FRMD4A: variants seen among roughly 807,000 people sequenced by gnomAD.
FRMD4A encodes FERM domain containing 4A.
A neutral mutation model predicts 129.1 loss-of-function variants in FRMD4A; 29 were observed. That is an observed-to-expected ratio of 0.22 (90% CI 0.17 to 0.31). FRMD4A has a LOEUF of 0.31. Ranked by LOEUF, FRMD4A falls within the 10% of genes least tolerant of loss-of-function variation. The probability of loss-of-function intolerance (pLI) is 1.00; values close to 1 mark genes in which losing one functional copy is unlikely to be tolerated. For synonymous variants in FRMD4A, 634 were observed against 571.6 expected, an observed-to-expected ratio of 1.11 and a Z score of -1.56; for missense variants, 1,272 against 1,375.8, an observed-to-expected ratio of 0.92 and a Z score of 1.19.
intron 3 of FRMD4A, among the ~76,000 whole-genome samples, chr10:13,827,602 A>G (rs1383692867): frequency 6.6e-6 from 1 of 152,232 alleles, no homozygotes; most frequent in African/African-American, 2.4e-5. Context: ...AAAGCGAAAC[A>G]GCCTCCTGCA....
chr10:13,927,144 C>G (rs140526321), intron 2 of FRMD4A, among the ~76,000 whole-genome samples: 22 of 152,168 alleles, frequency 1.4e-4, no homozygotes, highest in African/African-American at 5.3e-4. Context: ...GTAATCCCAG[C>G]TACTGGGGAG....
intron 2 of FRMD4A, among the ~76,000 whole-genome samples, chr10:13,909,581 G>C (rs74121780): frequency 0.041 from 6,295 of 152,216 alleles, 436 homozygotes; most frequent in African/African-American, 0.14. Flanking sequence ...GTTCTTAGGT[G>C]CTTATTTAAA....
chr10:13,728,573 C>CTTTTTTTT (rs10706168), intron 12 of FRMD4A, among the ~76,000 whole-genome samples: 22,485 of 76,840 alleles, frequency 0.29, 6,167 homozygotes, highest in Non-Finnish European at 0.39. Context: ...GATTACCATT[C>CTTTTTTTT]TTTTTTTTTT....
At chr10:14,282,978 T>A (rs1321452028) in intron 2 of FRMD4A, among the ~76,000 whole-genome samples, 1 of 152,214 alleles carries the variant, frequency 6.6e-6, no homozygotes, top group Non-Finnish European at 1.5e-5. Flanking sequence ...GCCATATTAT[T>A]AAAGTGCATC....
At chr10:13,688,710 T>TA (rs1564615133) in intron 15 of FRMD4A, among the ~76,000 whole-genome samples, 1 of 149,774 alleles carries the variant, frequency 6.7e-6, no homozygotes, top group Non-Finnish European at 1.5e-5. Flanking sequence ...TTGACTTCTT[T>TA]TTTATTTATT....
chr10:13,684,312 G>A, intron 15 of FRMD4A: 1 of 984,676 alleles, frequency 1.0e-6, no homozygotes, highest in Non-Finnish European at 1.2e-6. Context: ...GAGAGATGGA[G>A]TTACTCACGC....
rs557048870 is a variant in FRMD4A at position 14,113,565 on chromosome 10, C to T, written c.45+216493G>A. 8.5e-5 allele frequency among the ~76,000 whole-genome samples: 13 copies of T among 152,232 alleles called. No homozygotes were observed. In the South Asian group the frequency reaches 2.7e-3, roughly 32 times the overall value. ...CTATTAGTAGTTAAATTCTGGGGGA[C>T]TCAGAAGTTATACCTAGATTTCTGA... On this transcript the variant is annotated intron_variant, in intron 2 of 24. Transcript: ENST00000357447.
chr10:14,239,351 G>C (rs185324614), intron 2 of FRMD4A, among the ~76,000 whole-genome samples: 33 of 152,338 alleles, frequency 2.2e-4, no homozygotes, highest in Middle Eastern at 3.4e-3. Context: ...AAGCTGGCCG[G>C]ACGCGGTGGC....
chr10:13,996,743 G>C (rs1337589027), intron 2 of FRMD4A, among the ~76,000 whole-genome samples: 1 of 152,130 alleles, frequency 6.6e-6, no homozygotes, highest in Non-Finnish European at 1.5e-5. Flanking sequence ...ATAATAGCAG[G>C]ATTTTCTTCT....
intron 6 of FRMD4A, among the ~76,000 whole-genome samples, chr10:13,767,066 C>T (rs1264443596): frequency 6.6e-6 from 1 of 152,008 alleles, no homozygotes; most frequent in Non-Finnish European, 1.5e-5. Context: ...AGTGAGACTC[C>T]ATCTCAAAAG....
At chr10:14,217,166 C>T (rs1843101111) in intron 2 of FRMD4A, among the ~76,000 whole-genome samples, 1 of 152,158 alleles carries the variant, frequency 6.6e-6, no homozygotes, top group Non-Finnish European at 1.5e-5. Flanking sequence ...TGCACCTTGA[C>T]CCAGAGAGAA....
In FRMD4A at chr10:14,330,133, G is replaced by A. The variant is rs1289489411; in HGVS notation, c.-31C>T. ...CCGATTCCCATGCACGAATCCTGCT[G>A]CCGAGTCAGTCCTCCTGGGCCCCGG... is the stretch of plus-strand genomic sequence containing the variant. On this transcript the variant is annotated 5_prime_UTR_variant, in exon 2 of 25. Coordinates refer to ENST00000357447, the MANE Select transcript of FRMD4A (RefSeq NM_018027.5). The A allele has an allele frequency of 6.4e-7, 1 of 1,550,818 alleles. No homozygotes were observed. The highest frequency in any genetic ancestry group is 8.7e-7 in the Non-Finnish European group (1 of 1,146,616).
chr10:14,026,207 T>C (rs928417790), intron 2 of FRMD4A, among the ~76,000 whole-genome samples: 8 of 152,224 alleles, frequency 5.3e-5, no homozygotes, highest in African/African-American at 1.9e-4. Flanking sequence ...CCTCCCTGCA[T>C]ATCAGAGCTC....
At position 13,889,238 on chromosome 10, in the gene FRMD4A, C is replaced by T. The variant is rs190968445; in HGVS notation, c.46-30326G>A. On this transcript the variant is annotated intron_variant, in intron 2 of 24. Transcript: ENST00000357447. Reference sequence around the variant, plus strand: ...GAACCTTCCATATCCCTTTCTTTCACATCACAAACCAATCTCACTTTTTGC... The same window carrying T: ...GAACCTTCCATATCCCTTTCTTTCATATCACAAACCAATCTCACTTTTTGC... 4.6e-5 allele frequency among the ~76,000 whole-genome samples: 7 copies of T among 152,354 alleles called. No homozygotes were observed. The East Asian group carries it at 1.3e-3, about 29-fold the overall frequency.
chr10:14,259,307 A>G (rs1844721275), intron 2 of FRMD4A, among the ~76,000 whole-genome samples: 1 of 152,210 alleles, frequency 6.6e-6, no homozygotes, highest in African/African-American at 2.4e-5. Context: ...AAACCATCTC[A>G]AAAAAGTTAA....
chr10:14,038,904 T>A (rs539138490), intron 2 of FRMD4A, among the ~76,000 whole-genome samples: 80 of 152,330 alleles, frequency 5.3e-4, no homozygotes, highest in African/African-American at 1.9e-3. Context: ...GGTCACTAGC[T>A]GTGTTTGGAC....
chr10:14,215,960 TA>T (rs971327361), intron 2 of FRMD4A, among the ~76,000 whole-genome samples: 11 of 148,498 alleles, frequency 7.4e-5, no homozygotes, highest in South Asian at 2.2e-4. Context: ...CTGGAAGGAA[TA>T]AAAAAAAAAC....
rs75731675 is a variant in FRMD4A at position 13,822,847 on chromosome 10, A to G, written c.112-11939T>C. On this transcript the variant is annotated intron_variant, in intron 3 of 24. Transcript: ENST00000357447. ...TCACCCAACTCCTCCCCAAACCAAC[A>G]AAGTCACAGCTCCCTTTAATAGCTC... Among the ~76,000 whole-genome samples the G allele has an allele frequency of 3.3e-3, 502 of 152,178 alleles. 1 individual carries two copies. The highest frequency in any genetic ancestry group is 0.012 in the African/African-American group (487 of 41,528).
intron 2 of FRMD4A, among the ~76,000 whole-genome samples, chr10:14,099,277 C>T (rs1368653889): frequency 6.6e-6 from 1 of 152,102 alleles, no homozygotes; most frequent in Non-Finnish European, 1.5e-5. Context: ...CTAATATGTA[C>T]AGTAAAACGC....
Sources: allele counts gnomAD v4.1 joint callset (sites outside exome capture counted in the v4.1 genomes callset), GRCh38; gene constraint gnomAD v4.1.1; transcripts MANE v1.5; gene names NCBI Gene and HGNC (gene_info 2026-07-23, HGNC 2026-07-21).